Variants in ZNF469 observed in about 807,000 individuals in gnomAD.
ZNF469 encodes the protein zinc finger protein 469.
ZNF469 carries 1 observed loss-of-function variant against 1.0 expected under a neutral mutation model. That is an observed-to-expected ratio of 1.00 (90% CI 0.35 to 4.73). ZNF469 has a LOEUF of 4.73. Among genes scored for constraint, ZNF469 ranks in the 30% most tolerant of loss-of-function variants. The pLI is 0.16. For missense variants in ZNF469, 6,100 were observed against 5,356.3 expected, an observed-to-expected ratio of 1.14 and a Z score of -4.33; for synonymous variants, 2,703 against 2,363.4, an observed-to-expected ratio of 1.14 and a Z score of -4.17.
At chr16:88,404,522 T>C (rs1376720932) in intron 1 of ZNF469, among the ~76,000 whole-genome samples, 2 of 152,130 alleles carry the variant, frequency 1.3e-5, no homozygotes, top group African/African-American at 4.8e-5. Context: ...GGGGCAGCTG[T>C]CATGGCTGAG....
chr16:88,381,246 A>T (rs552852922), upstream of ZNF469, among the ~76,000 whole-genome samples: 1 of 148,716 alleles, frequency 6.7e-6, no homozygotes, highest in East Asian at 2.0e-4. Context: ...ACTCACAGAC[A>T]TGCACTCACA....
chr16:88,297,780 C>A, the ZNF469 span, among the ~76,000 whole-genome samples: 3 of 152,322 alleles, frequency 2.0e-5, no homozygotes, highest in South Asian at 6.2e-4. Context: ...GTCTCCAGAA[C>A]CTTCACTTAG....
intron 2 of ZNF469, among the ~76,000 whole-genome samples, chr16:88,426,393 G>A (rs969749867): frequency 6.6e-5 from 10 of 152,284 alleles, no homozygotes; most frequent in East Asian, 1.9e-4. Context: ...CACACGGAGC[G>A]GCCTGCGCAC....
At chr16:88,115,976 T>C in the ZNF469 span, among the ~76,000 whole-genome samples, 1 of 152,294 alleles carries the variant, frequency 6.6e-6, no homozygotes, top group African/African-American at 2.4e-5. Context: ...TCATCCAGGG[T>C]GGCCTCCCCA....
the ZNF469 span, among the ~76,000 whole-genome samples, chr16:88,229,637 G>GCA: frequency 3.3e-5 from 4 of 123,016 alleles, no homozygotes; most frequent in East Asian, 2.4e-4. Context: ...TGGATGTCAC[G>GCA]TGTGTGTGCT....
At chr16:88,112,402 C>T in the ZNF469 span, among the ~76,000 whole-genome samples, 12 of 152,350 alleles carry the variant, frequency 7.9e-5, no homozygotes, top group Middle Eastern at 3.4e-3. Flanking sequence ...TTCCCACCAA[C>T]GGGGTACGAG....
At chr16:88,208,729 A>G in the ZNF469 span, among the ~76,000 whole-genome samples, 1 of 151,796 alleles carries the variant, frequency 6.6e-6, no homozygotes, top group Non-Finnish European at 1.5e-5. Flanking sequence ...GAAAAGACAC[A>G]CACATATATC....
At chr16:88,169,765 T>G in the ZNF469 span, among the ~76,000 whole-genome samples, 1 of 152,194 alleles carries the variant, frequency 6.6e-6, no homozygotes, top group African/African-American at 2.4e-5. This position sits in a 1 kb window ranked among gnomAD's most constrained non-coding sequence, Gnocchi z 6.1. Flanking sequence ...CTTTGGCGTG[T>G]GCATGTTGAA....
chr16:88,415,200 A>C (rs2142286252), intron 1 of ZNF469, among the ~76,000 whole-genome samples: 2 of 152,312 alleles, frequency 1.3e-5, no homozygotes, highest in African/African-American at 4.8e-5. Flanking sequence ...ACCACCCGGA[A>C]CATCAGGGAC....
chr16:88,335,381 G>T, the ZNF469 span, among the ~76,000 whole-genome samples: 1 of 152,228 alleles, frequency 6.6e-6, no homozygotes, highest in Admixed American at 6.5e-5. Context: ...CCACTCCGGG[G>T]TGCTCTGTGG....
rs1905758482 is a variant in ZNF469 at position 88,427,414 on chromosome 16, A to G, written c.-57A>G. 2 of 1,431,242 alleles carry G rather than the reference A, an allele frequency of 1.4e-6. No individual in the cohort carries two copies. Among genetic ancestry groups the G allele is most frequent in the Admixed American group, 2.8e-5 (1 of 36,316 alleles). The allele number at this position is 1,431,242 out of a possible 1,614,324, so 88.7% of individuals were successfully genotyped here. A position where few individuals can be genotyped will look rare whatever the true frequency, so the allele number is the denominator to read the frequency against. ...AGGGCTGAGGATGGCCGTCCAGCCC[A>G]CTCCCCAGGGCCCCCCTCGGACAGC... is the stretch of plus-strand genomic sequence containing the variant. On this transcript the variant is annotated 5_prime_UTR_variant, in exon 3 of 3. Coordinates refer to ENST00000565624, the MANE Select transcript of ZNF469 (RefSeq NM_001367624.2).
the ZNF469 span, among the ~76,000 whole-genome samples, chr16:88,322,107 C>A: frequency 2.2e-3 from 341 of 152,348 alleles, 2 homozygotes; most frequent in African/African-American, 7.7e-3. Flanking sequence ...GCTACAGCAT[C>A]ATGGAGCCAC....
chr16:88,122,090 C>T, the ZNF469 span, among the ~76,000 whole-genome samples: 1 of 128,826 alleles, frequency 7.8e-6, no homozygotes, highest in Non-Finnish European at 1.9e-5. Flanking sequence ...GCGGCCTCGG[C>T]AGCCCCTCGG....
the ZNF469 span, among the ~76,000 whole-genome samples, chr16:88,210,034 A>C: frequency 3.1e-3 from 468 of 152,348 alleles, 2 homozygotes; most frequent in African/African-American, 0.011. Flanking sequence ...CCACTTCCCC[A>C]GAGCTTTCTC....
At chr16:88,156,216 A>C in the ZNF469 span, among the ~76,000 whole-genome samples, 32 of 152,160 alleles carry the variant, frequency 2.1e-4, no homozygotes, top group Admixed American at 2.1e-3. Context: ...TCTTGATGAT[A>C]TCTTTTGCAC....
chr16:88,198,924 C>T, the ZNF469 span, among the ~76,000 whole-genome samples: 1 of 152,232 alleles, frequency 6.6e-6, no homozygotes, highest in Non-Finnish European at 1.5e-5. Flanking sequence ...GCGAGGGCCC[C>T]TGGCAACTCC....
chr16:88,120,314 C>T, the ZNF469 span, among the ~76,000 whole-genome samples: 9 of 152,242 alleles, frequency 5.9e-5, no homozygotes, highest in African/African-American at 2.2e-4. Context: ...AGGCCCCTGC[C>T]TTCTGCTGCA....
At chr16:88,262,967 G>A in the ZNF469 span, among the ~76,000 whole-genome samples, 19 of 152,250 alleles carry the variant, frequency 1.2e-4, no homozygotes, top group Non-Finnish European at 1.9e-4. This position sits in a 1 kb window ranked among gnomAD's most constrained non-coding sequence, Gnocchi z 4.3. Flanking sequence ...CTCAGTGGAG[G>A]AGCGTTTCAT....
At chr16:88,335,572 C>T in the ZNF469 span, among the ~76,000 whole-genome samples, 1 of 152,258 alleles carries the variant, frequency 6.6e-6, no homozygotes, top group African/African-American at 2.4e-5. Flanking sequence ...ATGACCCAGC[C>T]ACAGGGCCTC....
Sources: gnomAD v4.1 joint callset for allele counts (sites outside exome capture counted in the v4.1 genomes callset) on GRCh38, gnomAD v4.1.1 for gene constraint, Gnocchi (gnomAD v3.1) non-coding constraint, MANE v1.5 for transcripts, NCBI Gene and HGNC (gene_info 2026-07-23, HGNC 2026-07-21) for gene names.